DYNC2H1: variants seen among roughly 807,000 people sequenced by gnomAD.
The protein encoded by DYNC2H1 is dynein cytoplasmic 2 heavy chain 1.
A neutral mutation model predicts 570.0 loss-of-function variants in DYNC2H1; 410 were observed. That is an observed-to-expected ratio of 0.72 (90% CI 0.66 to 0.78). The LOEUF (loss-of-function observed/expected upper bound fraction) is 0.78. Among genes scored for constraint, DYNC2H1 ranks in the 30% least tolerant of loss-of-function variants. The pLI, the probability that DYNC2H1 is intolerant of heterozygous loss-of-function variation, is 0.00. For missense variants in DYNC2H1, 4,865 were observed against 5,046.4 expected, an observed-to-expected ratio of 0.96 and a Z score of 1.09; for synonymous variants, 1,688 against 1,677.6, an observed-to-expected ratio of 1.01 and a Z score of -0.15.
chr11:103,416,952 A>G (rs1005201487), intron 84 of DYNC2H1, among the ~76,000 whole-genome samples: 1 of 152,228 alleles, frequency 6.6e-6, no homozygotes, highest in African/African-American at 2.4e-5. Flanking sequence ...CAACCCCATC[A>G]AAAAGTGGGC....
chr11:103,162,949 A>G, intron 29 of DYNC2H1, 79 bp from the exon 30 acceptor site: 1 of 1,297,136 alleles, frequency 7.7e-7, no homozygotes. Context: ...TAGATTGTAT[A>G]TTTATTTTAT....
intron 70 of DYNC2H1, among the ~76,000 whole-genome samples, chr11:103,262,561 A>G (rs1591490874): frequency 6.6e-6 from 1 of 152,316 alleles, no homozygotes; most frequent in East Asian, 1.9e-4. Flanking sequence ...ATTCCTAAAG[A>G]AAAGAATTTT....
chr11:103,459,455 G>A (rs1016909912), intron 87 of DYNC2H1, among the ~76,000 whole-genome samples: 2 of 151,690 alleles, frequency 1.3e-5, no homozygotes, highest in African/African-American at 4.8e-5. Context: ...TGTAAGTCCC[G>A]CAAGAGTAGT....
chr11:103,420,447 TA>T (rs1020013946), intron 84 of DYNC2H1, among the ~76,000 whole-genome samples: 3 of 151,682 alleles, frequency 2.0e-5, no homozygotes, highest in African/African-American at 7.3e-5. Context: ...AAGGTTGAAA[TA>T]AAAGAAAAAG....
Position 103,187,955 on chromosome 11 carries a change from G to GT in DYNC2H1, c.7140+376dup, listed in dbSNP as rs529507880. ...TCTCACTGCAGTTAGACTTGGTCAT[G>GT]TTTTTTTCTGGCTGCTTTAACCCAT... On this transcript the variant is annotated intron_variant, in intron 43 of 88. Transcript: ENST00000375735. 1.7e-3 allele frequency among the ~76,000 whole-genome samples: 266 copies of GT among 152,058 alleles called. 3 individuals are homozygous for GT. The highest frequency in any genetic ancestry group is 6.3e-3 in the African/African-American group (261 of 41,502).
chr11:103,173,867 G>A (rs1341713744), intron 35 of DYNC2H1, among the ~76,000 whole-genome samples, 188 bp from the exon 36 acceptor site: 1 of 152,138 alleles, frequency 6.6e-6, no homozygotes, highest in Non-Finnish European at 1.5e-5. Flanking sequence ...TCCTACCCTT[G>A]AGAACCGTCC....
At chr11:103,336,065 C>T (rs1939106160) in intron 82 of DYNC2H1, among the ~76,000 whole-genome samples, 1 of 152,174 alleles carries the variant, frequency 6.6e-6, no homozygotes, top group Non-Finnish European at 1.5e-5. Flanking sequence ...AAAGGTTTCA[C>T]TTACCACATA....
At position 103,175,642 on chromosome 11, in the gene DYNC2H1, T is replaced by C. The variant is rs138266911; in HGVS notation, c.5675-593T>C. 2.3e-4 allele frequency among the ~76,000 whole-genome samples: 35 copies of C among 152,322 alleles called. No homozygotes were observed. In the East Asian group the frequency reaches 6.6e-3, roughly 29 times the overall value. The stretch of plus-strand genomic sequence containing the variant: ...TCAGTATTTGCATTTGGCTTAAGAA[T>C]GGGTTTGTGAACCAAATTTGAACAA... On this transcript the variant is annotated intron_variant, in intron 36 of 88. Transcript: ENST00000375735.
At chr11:103,425,132 A>T (rs634315) in intron 84 of DYNC2H1, among the ~76,000 whole-genome samples, 101,021 of 151,820 alleles carry the variant, frequency 0.67, 35,262 homozygotes, top group African/African-American at 0.89. Flanking sequence ...GATGATAGGT[A>T]CTCACCATGT....
At chr11:103,253,136 C>A (rs1864903894) in intron 65 of DYNC2H1, 149 bp from the exon 66 acceptor site, 1 of 609,476 alleles carries the variant, frequency 1.6e-6, no homozygotes, top group Admixed American at 3.3e-5. Context: ...GAACATTCTG[C>A]TAATAGTATC....
chr11:103,344,270 T>A (rs2408594), intron 82 of DYNC2H1, among the ~76,000 whole-genome samples: 13,378 of 152,188 alleles, frequency 0.088, 934 homozygotes, highest in East Asian at 0.19. Context: ...ACTCTATCCA[T>A]GAAACAAAAT....
chr11:103,246,756 G>A (rs1441799500), intron 65 of DYNC2H1, among the ~76,000 whole-genome samples: 1 of 151,882 alleles, frequency 6.6e-6, no homozygotes, highest in African/African-American at 2.4e-5. Context: ...ATTAACTCTG[G>A]GGACAGAGGA....
intron 55 of DYNC2H1, among the ~76,000 whole-genome samples, chr11:103,217,961 A>G (rs7125370): frequency 0.11 from 16,932 of 152,160 alleles, 975 homozygotes; most frequent in Non-Finnish European, 0.12. Flanking sequence ...ACACATGAAA[A>G]TATGCTTAAT....
Position 103,369,696 on chromosome 11 carries a change from C to T in DYNC2H1, c.12156+11337C>T, listed in dbSNP as rs765691509. On this transcript the variant is annotated intron_variant, in intron 83 of 88. Transcript: ENST00000375735. This position sits in a 1 kb window ranked among gnomAD's most constrained non-coding sequence, Gnocchi z 4.0. ...TAGGCCCTAGCTCCCGGGCAACATT[C>T]GTAGACACTCACTGCATCAGAAAGC... is the stretch of plus-strand genomic sequence containing the variant. Among the ~76,000 whole-genome samples, 9 of 152,292 alleles carry T rather than the reference C, an allele frequency of 5.9e-5. No homozygotes were observed. The East Asian group carries it at 1.2e-3, about 20-fold the overall frequency.
intron 83 of DYNC2H1, among the ~76,000 whole-genome samples, chr11:103,385,490 T>C (rs1221470097): frequency 6.6e-6 from 1 of 152,214 alleles, no homozygotes; most frequent in East Asian, 1.9e-4. Context: ...CCTAGTCTTA[T>C]GACTCTTCAT....
rs1466685310 is a variant in DYNC2H1 at position 103,254,609 on chromosome 11, A to G, written c.10207-806A>G. Among the ~76,000 whole-genome samples, 2 of 152,156 alleles carry G rather than the reference A, an allele frequency of 1.3e-5. No individual in the cohort carries two copies. Among genetic ancestry groups the G allele is most frequent in the Non-Finnish European group, 2.9e-5 (2 of 68,038 alleles). ...AAACAAATCTTTCCAAAGTGGCTGCACTATTTACTTTCCCACCAGAAATAT... is the reference window on the plus strand; with the variant it reads ...AAACAAATCTTTCCAAAGTGGCTGCGCTATTTACTTTCCCACCAGAAATAT... On this transcript the variant is annotated intron_variant, in intron 66 of 88. Coordinates refer to ENST00000375735, the MANE Select transcript of DYNC2H1 (RefSeq NM_001377.3). The surrounding 1 kb of genome is among the most constrained non-coding windows in gnomAD (Gnocchi z 4.9).
intron 82 of DYNC2H1, among the ~76,000 whole-genome samples, chr11:103,352,822 C>T (rs1407532970): frequency 6.6e-6 from 1 of 152,152 alleles, no homozygotes; most frequent in Non-Finnish European, 1.5e-5. Flanking sequence ...GATAATAAAT[C>T]ATTCCATTAT....
At chr11:103,384,042 G>A (rs1022990525) in intron 83 of DYNC2H1, among the ~76,000 whole-genome samples, 11 of 152,020 alleles carry the variant, frequency 7.2e-5, no homozygotes, top group Non-Finnish European at 1.3e-4. Context: ...AATTTGTTGG[G>A]ATTTGCTTTA....
At chr11:103,134,522 A>T (rs1237878234) in intron 15 of DYNC2H1, 103 bp downstream of exon 15, 5 of 758,678 alleles carry the variant, frequency 6.6e-6, no homozygotes, top group African/African-American at 1.8e-5. Flanking sequence ...TTATCTTTAA[A>T]TCTTACTAAT....
Sources: gnomAD v4.1 joint callset for allele counts (sites outside exome capture counted in the v4.1 genomes callset) on GRCh38, gnomAD v4.1.1 for gene constraint, Gnocchi (gnomAD v3.1) non-coding constraint, MANE v1.5 for transcripts, NCBI Gene and HGNC (gene_info 2026-07-23, HGNC 2026-07-21) for gene names.